Variants in AFF3 observed in about 807,000 individuals in gnomAD.
The protein encoded by AFF3 is AF4/FMR2 family member 3.
AFF3 carries 32 observed loss-of-function variants against 129.7 expected under a neutral mutation model. The observed-to-expected ratio is 0.25, with a 90% CI of 0.19 to 0.33. The LOEUF is 0.33. AFF3 is among the 10% of genes least tolerant of loss of function. AFF3 has a pLI of 1.00. For synonymous variants in AFF3, 644 were observed against 635.4 expected, an observed-to-expected ratio of 1.01 and a Z score of -0.20; for missense variants, 1,373 against 1,592.0, an observed-to-expected ratio of 0.86 and a Z score of 2.34.
At chr2:99,900,026 T>C (rs1056527593) in intron 7 of AFF3, among the ~76,000 whole-genome samples, 12 of 152,288 alleles carry the variant, frequency 7.9e-5, no homozygotes, top group Non-Finnish European at 1.2e-4. Flanking sequence ...TCCCATAAGA[T>C]TTCAATGCAA....
chr2:100,007,054 A>C, intron 6 of AFF3, 37 bp from the exon 7 acceptor site: 1 of 1,591,226 alleles, frequency 6.3e-7, no homozygotes, highest in Non-Finnish European at 8.6e-7. Context: ...GATAAGGATG[A>C]GGGGGGTCGA....
chr2:99,790,493 T>A (rs1270167806), intron 8 of AFF3, among the ~76,000 whole-genome samples: 1 of 152,240 alleles, frequency 6.6e-6, no homozygotes, highest in African/African-American at 2.4e-5. Context: ...CATTTGAGGA[T>A]AAGATGTTTC....
chr2:99,798,709 T>C (rs1685722537), intron 8 of AFF3, among the ~76,000 whole-genome samples: 1 of 151,882 alleles, frequency 6.6e-6, no homozygotes, highest in African/African-American at 2.4e-5. Flanking sequence ...ATAAAGAAGT[T>C]TATATCACAT....
chr2:99,966,313 T>C (rs895928520), intron 7 of AFF3, among the ~76,000 whole-genome samples: 1 of 152,180 alleles, frequency 6.6e-6, no homozygotes, highest in African/African-American at 2.4e-5. Flanking sequence ...GATGAAATAC[T>C]GCCTAAAGGG....
At chr2:99,629,275 G>A (rs1481092903) in intron 13 of AFF3, among the ~76,000 whole-genome samples, 3 of 152,182 alleles carry the variant, frequency 2.0e-5, no homozygotes, top group African/African-American at 4.8e-5. Flanking sequence ...AGCCATTTCA[G>A]TTAAGGCTTG....
intron 4 of AFF3, among the ~76,000 whole-genome samples, chr2:100,069,443 A>G (rs78357046): frequency 0.024 from 3,664 of 152,338 alleles, 135 homozygotes; most frequent in African/African-American, 0.082. Context: ...GAAACATGAT[A>G]GTTTTTGCCT....
At chr2:99,576,361 A>G (rs1333676443) in intron 18 of AFF3, among the ~76,000 whole-genome samples, 4 of 151,800 alleles carry the variant, frequency 2.6e-5, no homozygotes, top group Non-Finnish European at 1.5e-5. Context: ...AAAAAAAAAA[A>G]AAAATTTAAC....
intron 7 of AFF3, among the ~76,000 whole-genome samples, chr2:99,963,598 A>G (rs1473387867): frequency 6.6e-6 from 1 of 152,018 alleles, no homozygotes; most frequent in Non-Finnish European, 1.5e-5. Flanking sequence ...TACCACTAAG[A>G]AAAGTATACA....
intron 2 of AFF3, among the ~76,000 whole-genome samples, chr2:100,107,842 A>G (rs1001999764): frequency 6.6e-6 from 1 of 152,178 alleles, no homozygotes; most frequent in African/African-American, 2.4e-5. Flanking sequence ...CCCTTCAGAT[A>G]TGATTTGATA....
chr2:99,640,535 G>A (rs1321711914), intron 13 of AFF3, among the ~76,000 whole-genome samples: 1 of 151,940 alleles, frequency 6.6e-6, no homozygotes, highest in Non-Finnish European at 1.5e-5. Flanking sequence ...TCCAGACCAA[G>A]TTCAAGGACT....
intron 22 of AFF3, among the ~76,000 whole-genome samples, chr2:99,558,500 A>T (rs752531648): frequency 1.8e-4 from 28 of 152,228 alleles, no homozygotes; most frequent in Non-Finnish European, 3.8e-4. Context: ...TGCGCCTGTA[A>T]TCTGAGCTAC....
rs869188752 is a variant in AFF3 at position 99,696,655 on chromosome 2, C to CT, written c.1092-24067dup. 1.5e-3 allele frequency among the ~76,000 whole-genome samples: 224 copies of CT among 146,554 alleles called. 1 individual carries two copies. Among genetic ancestry groups the CT allele is most frequent in the Middle Eastern group, 3.6e-3 (1 of 280 alleles). On this transcript the variant is annotated intron_variant, in intron 11 of 24. Coordinates refer to ENST00000672756, the MANE Select transcript of AFF3 (RefSeq NM_001386135.1). ...TTTCTAACTATGTAATAATGAAATT[C>CT]TTTTTTTTTTTTCTTCTTTGAGTCA...
intron 7 of AFF3, among the ~76,000 whole-genome samples, chr2:99,936,507 CG>C (rs1674537646): frequency 6.6e-6 from 1 of 152,112 alleles, no homozygotes; most frequent in African/African-American, 2.4e-5. Context: ...AATCCCCATA[CG>C]TGCTGACAAG....
At chr2:100,035,416 A>G (rs1684820242) in intron 4 of AFF3, among the ~76,000 whole-genome samples, 1 of 152,234 alleles carries the variant, frequency 6.6e-6, no homozygotes, top group Non-Finnish European at 1.5e-5. Context: ...GTAAGCAGAC[A>G]TCCCAATGAT....
rs1414177360 is a variant in AFF3, at chr2:99,982,714, T to C, written c.873+23918A>G. The stretch of plus-strand genomic sequence containing the variant: ...TATGGACCCAGGATACTGAATCGAC[T>C]AGACATTTGTAGAAAACTTTAAATG... On this transcript the variant is annotated intron_variant, in intron 7 of 24. Transcript: ENST00000672756. 2.6e-5 allele frequency among the ~76,000 whole-genome samples: 4 copies of C among 152,306 alleles called. No individual in the cohort carries two copies. In the South Asian group the frequency reaches 8.3e-4, roughly 32 times the overall value.
chr2:99,835,878 C>A (rs376195438), intron 8 of AFF3, among the ~76,000 whole-genome samples: 1 of 151,982 alleles, frequency 6.6e-6, no homozygotes, highest in Non-Finnish European at 1.5e-5. Flanking sequence ...GCAGCACTGG[C>A]GGTGGGAGGG....
intron 8 of AFF3, among the ~76,000 whole-genome samples, chr2:99,828,763 GA>G (rs1321026322): frequency 6.6e-6 from 1 of 152,188 alleles, no homozygotes; most frequent in Admixed American, 6.5e-5. Context: ...AGGTCAGAGT[GA>G]AAAGTTAAAA....
chr2:100,039,312 G>A (rs997082189), intron 4 of AFF3, among the ~76,000 whole-genome samples: 1 of 152,150 alleles, frequency 6.6e-6, no homozygotes, highest in African/African-American at 2.4e-5. Context: ...TAGACTCAGG[G>A]CTTTAGGAGA....
chr2:100,001,691 G>A (rs138810366), intron 7 of AFF3, among the ~76,000 whole-genome samples: 3,155 of 143,524 alleles, frequency 0.022, 57 homozygotes, highest in African/African-American at 0.052. Context: ...CTCCCAAAGT[G>A]CAGGGATTAC....
Sources: gnomAD v4.1 joint callset for allele counts (sites outside exome capture counted in the v4.1 genomes callset) on GRCh38, gnomAD v4.1.1 for gene constraint, MANE v1.5 for transcripts, NCBI Gene and HGNC (gene_info 2026-07-23, HGNC 2026-07-21) for gene names.